DHRSX: variants seen among roughly 807,000 people sequenced by gnomAD.
The protein encoded by DHRSX is dehydrogenase/reductase X-linked.
A neutral mutation model predicts 34.0 loss-of-function variants in DHRSX; 31 were observed. The ratio of observed to expected loss-of-function variants is 0.91; its 90% confidence interval spans 0.69 to 1.23. The LOEUF (loss-of-function observed/expected upper bound fraction) is 1.23, where lower values mean the gene tolerates loss of function less well. DHRSX is among the 50% of genes most tolerant of loss of function. The probability of loss-of-function intolerance (pLI) is 0.00; values close to 1 mark genes in which losing one functional copy is unlikely to be tolerated. For missense variants in DHRSX, 414 were observed against 428.1 expected (o/e 0.97, Z 0.29); for synonymous variants, 201 against 183.8 (o/e 1.09, Z -0.76).
At chrX:2,496,097 T>C (rs757084566) in intron 1 of DHRSX, among the ~76,000 whole-genome samples, 25 of 152,376 alleles carry the variant, frequency 1.6e-4, no homozygotes, top group African/African-American at 6.0e-4. Context: ...ACAGGAGGAA[T>C]CCGTTTCAGT....
intron 3 of DHRSX, among the ~76,000 whole-genome samples, chrX:2,300,999 T>G: frequency 6.6e-6 from 1 of 152,332 alleles, no homozygotes; most frequent in Middle Eastern, 3.4e-3. Flanking sequence ...TAACAATTCA[T>G]AGCAGGTGAC....
chrX:2,406,980 G>A (rs759839735), intron 3 of DHRSX, among the ~76,000 whole-genome samples: 4 of 152,284 alleles, frequency 2.6e-5, no homozygotes, highest in East Asian at 1.9e-4. Context: ...GTGCATTGCA[G>A]CACTATTCAC....
chrX:2,383,543 C>T (rs1036186023), intron 3 of DHRSX, among the ~76,000 whole-genome samples: 23 of 152,306 alleles, frequency 1.5e-4, no homozygotes, highest in African/African-American at 3.4e-4. Context: ...CCATCAGAAT[C>T]ACCATTATCA....
At chrX:2,459,516 T>TAGAG (rs750009785) in intron 1 of DHRSX, among the ~76,000 whole-genome samples, 10 of 139,946 alleles carry the variant, frequency 7.1e-5, no homozygotes, top group Admixed American at 4.5e-4. Context: ...TATTGTACCA[T>TAGAG]AGAGAGAGAG....
intron 3 of DHRSX, among the ~76,000 whole-genome samples, chrX:2,355,704 T>C (rs1237979766): frequency 6.6e-6 from 1 of 151,596 alleles, no homozygotes; most frequent in Admixed American, 6.6e-5. Flanking sequence ...CGGAAACGAG[T>C]AGGAGATATA....
intron 3 of DHRSX, among the ~76,000 whole-genome samples, chrX:2,372,578 G>A (rs191194028): frequency 2.6e-5 from 4 of 151,320 alleles, no homozygotes; most frequent in African/African-American, 9.7e-5. Context: ...GGTTTGAAAG[G>A]GAGAGGTTGG....
At chrX:2,343,853 T>G (rs1383230372) in intron 3 of DHRSX, among the ~76,000 whole-genome samples, 1 of 152,206 alleles carries the variant, frequency 6.6e-6, no homozygotes, top group African/African-American at 2.4e-5. Context: ...AGTGTATTAG[T>G]ATGTATAGGT....
intron 3 of DHRSX, among the ~76,000 whole-genome samples, chrX:2,406,065 G>A (rs995539377): frequency 1.8e-4 from 27 of 152,262 alleles, no homozygotes; most frequent in African/African-American, 4.1e-4. Flanking sequence ...AGGCTGAGGC[G>A]AACGGATCAC....
At chrX:2,327,951 G>A (rs1436005114) in intron 3 of DHRSX, among the ~76,000 whole-genome samples, 1 of 151,966 alleles carries the variant, frequency 6.6e-6, no homozygotes, top group Non-Finnish European at 1.5e-5. Context: ...ATGGTGGCAC[G>A]CACCTGTAGT....
At chrX:2,393,579 C>T (rs1373037131) in intron 3 of DHRSX, among the ~76,000 whole-genome samples, 1 of 151,118 alleles carries the variant, frequency 6.6e-6, no homozygotes, top group Non-Finnish European at 1.5e-5. Context: ...ACCCAGGGAC[C>T]TCCCCATCTC....
At chrX:2,237,855 G>T (rs1853661863) in intron 6 of DHRSX, among the ~76,000 whole-genome samples, 1 of 152,076 alleles carries the variant, frequency 6.6e-6, no homozygotes, top group Non-Finnish European at 1.5e-5. Context: ...GGGGTGGGAA[G>T]AGAGGTAATA....
At chrX:2,380,264 GC>G (rs2043187730) in intron 3 of DHRSX, among the ~76,000 whole-genome samples, 1 of 120,512 alleles carries the variant, frequency 8.3e-6, no homozygotes, top group Non-Finnish European at 1.6e-5. Flanking sequence ...TCATGCCACT[GC>G]ACTCCAGCCT....
intron 3 of DHRSX, among the ~76,000 whole-genome samples, chrX:2,393,148 TAATA>T (rs1265592928): frequency 4.7e-5 from 7 of 148,238 alleles, no homozygotes; most frequent in South Asian, 2.1e-4. Context: ...TGCTTTATAA[TAATA>T]AATATATAGT....
In DHRSX at chrX:2,408,797, G is replaced by A; in HGVS notation, c.234C>T (p.Ser78=). The A allele has an allele frequency of 6.2e-7, 1 of 1,611,948 alleles. No homozygotes were observed. The highest frequency in any genetic ancestry group is 8.5e-7 in the Non-Finnish European group (1 of 1,179,370). ...MHVIIAGNND[S]KAKQVVSKIK... ...TTTTGCTTACAACTTGTTTGGCTTT[G>A]CTGTCATTATTTCCAGCTAAAAGGA... The change falls in exon 3 of 7, where the codon AGC becomes AGT. Residue 78 remains serine, a synonymous_variant. Transcript: ENST00000334651.
Position 2,363,604 on chromosome X carries a change from C to G in DHRSX, c.286+45141G>C, listed in dbSNP as rs757189535. 2.0e-5 allele frequency among the ~76,000 whole-genome samples: 3 copies of G among 148,072 alleles called. 1 individual carries two copies. Among genetic ancestry groups the G allele is most frequent in the African/African-American group, 7.6e-5 (3 of 39,332 alleles). The stretch of plus-strand genomic sequence containing the variant: ...CCATTTCATCACTGTTCTATGGTAT[C>G]ATGCCTCCATTTTATCACTGTTCTA... On this transcript the variant is annotated intron_variant, in intron 3 of 6. Transcript: ENST00000334651.
At chrX:2,465,517 AGACG>A (rs1723522672) in intron 1 of DHRSX, among the ~76,000 whole-genome samples, 1 of 152,064 alleles carries the variant, frequency 6.6e-6, no homozygotes, top group Non-Finnish European at 1.5e-5. Context: ...AAAAGAAAAC[AGACG>A]GCCAGGCACC....
At chrX:2,250,984 C>T (rs2016422943) in intron 5 of DHRSX, among the ~76,000 whole-genome samples, 1 of 152,142 alleles carries the variant, frequency 6.6e-6, no homozygotes, top group African/African-American at 2.4e-5. Context: ...TCGCAGCCTG[C>T]AGCTGACATG....
intron 5 of DHRSX, among the ~76,000 whole-genome samples, chrX:2,262,751 C>T (rs1279152390): frequency 1.3e-5 from 2 of 152,230 alleles, no homozygotes; most frequent in East Asian, 1.9e-4. Context: ...TCCTGGCCAG[C>T]CTCGCTCCTT....
At chrX:2,353,138 G>A (rs1473491845) in intron 3 of DHRSX, among the ~76,000 whole-genome samples, 2 of 152,142 alleles carry the variant, frequency 1.3e-5, no homozygotes, top group Non-Finnish European at 2.9e-5. Flanking sequence ...GTAGCTACTC[G>A]AGAGACTGAG....
Sources: allele counts gnomAD v4.1 joint callset (sites outside exome capture counted in the v4.1 genomes callset), GRCh38; gene constraint gnomAD v4.1.1; transcripts MANE v1.5; gene names NCBI Gene and HGNC (gene_info 2026-07-23, HGNC 2026-07-21).